IQCK: variants seen among roughly 807,000 people sequenced by gnomAD.
The protein encoded by IQCK is IQ motif containing K, also known as IQ domain-containing protein K.
A neutral mutation model predicts 28.1 loss-of-function variants in IQCK; 29 were observed. That is an observed-to-expected ratio of 1.03 (90% confidence interval 0.77 to 1.41). The LOEUF (loss-of-function observed/expected upper bound fraction) is 1.41, where lower values mean the gene tolerates loss of function less well. Ranked by LOEUF, IQCK falls within the 40% of genes most tolerant of loss-of-function variation. The probability of loss-of-function intolerance (pLI) is 0.00; values close to 1 mark genes in which losing one functional copy is unlikely to be tolerated. For synonymous variants in IQCK, 113 were observed against 115.1 expected (o/e 0.98, Z 0.12); for missense variants, 359 against 314.7 (o/e 1.14, Z -1.07).
intron 7 of IQCK, among the ~76,000 whole-genome samples, chr16:19,822,975 C>T (rs575741787): frequency 6.6e-6 from 1 of 152,022 alleles, no homozygotes; most frequent in Non-Finnish European, 1.5e-5. Flanking sequence ...GAAGAGGTGG[C>T]CCCTCTATCA....
chr16:19,776,952 A>G (rs1281325681), intron 6 of IQCK, among the ~76,000 whole-genome samples: 1 of 152,228 alleles, frequency 6.6e-6, no homozygotes, highest in Non-Finnish European at 1.5e-5. Flanking sequence ...TTAAATTTCT[A>G]TTTTGGCCAA....
At position 19,799,248 on chromosome 16, in the gene IQCK, T is replaced by C. The variant is rs1488421620; in HGVS notation, c.690+10326T>C. 1.9e-5 allele frequency among the ~76,000 whole-genome samples: 2 copies of C among 105,402 alleles called. 1 individual carries two copies. The allele number at this position is 105,402 out of a possible 152,430, so 69.1% of individuals were successfully genotyped here. The stretch of plus-strand genomic sequence containing the variant: ...TACCTCACAAATTTTAATTCTTCTA[T>C]GGTATATATATATATTTTTTTTATT... On this transcript the variant is annotated intron_variant, in intron 7 of 7. Transcript: ENST00000564186.
intron 6 of IQCK, among the ~76,000 whole-genome samples, chr16:19,772,797 G>C (rs2055336751): frequency 6.6e-6 from 1 of 152,138 alleles, no homozygotes; most frequent in Non-Finnish European, 1.5e-5. Context: ...TTGAGCCCAG[G>C]AGTTTGGACC....
Position 19,733,679 on chromosome 16 carries a change from C to A in IQCK, c.247-19C>A. 6.2e-7 allele frequency: 1 copy of A among 1,613,036 alleles called. No individual in the cohort carries two copies. The highest frequency in any genetic ancestry group is 8.5e-7 in the Non-Finnish European group (1 of 1,179,710). On this transcript the variant is annotated intron_variant, in intron 2 of 7. Transcript: ENST00000564186. ...AAGCTGTTTAAATGAATTGCCTCCC[C>A]TCCCCTGTCTGCCTCCAGGTTGCGC...
chr16:19,831,418 A>G (rs185944305), downstream of IQCK, among the ~76,000 whole-genome samples: 350 of 152,286 alleles, frequency 2.3e-3, no homozygotes, highest in African/African-American at 8.0e-3. Flanking sequence ...ACTGTCGCCG[A>G]GTTGAATCAC....
At chr16:19,814,516 C>CA (rs2055957023) in intron 7 of IQCK, among the ~76,000 whole-genome samples, 2 of 151,886 alleles carry the variant, frequency 1.3e-5, no homozygotes, top group Non-Finnish European at 2.9e-5. Flanking sequence ...AAAATTATGA[C>CA]AAAAAACAGA....
chr16:19,852,898 A>T (rs1379070044), intron 9 of IQCK, among the ~76,000 whole-genome samples: 1 of 152,166 alleles, frequency 6.6e-6, no homozygotes, highest in African/African-American at 2.4e-5. Flanking sequence ...CTGGGATTAC[A>T]GGCGTGAGCC....
chr16:19,726,988 G>A (rs1421141961), intron 1 of IQCK, among the ~76,000 whole-genome samples: 4 of 151,780 alleles, frequency 2.6e-5, no homozygotes, highest in South Asian at 2.1e-4. Flanking sequence ...AAAATTAGCC[G>A]GGCATGATGA....
intron 1 of IQCK, among the ~76,000 whole-genome samples, chr16:19,720,213 A>C (rs1977450519): frequency 6.6e-6 from 1 of 152,132 alleles, no homozygotes; most frequent in Admixed American, 6.5e-5. Context: ...CCAACCTTAC[A>C]TTGTGCTAGA....
chr16:19,809,560 G>A (rs965219522), intron 7 of IQCK, among the ~76,000 whole-genome samples: 1 of 152,228 alleles, frequency 6.6e-6, no homozygotes, highest in Non-Finnish European at 1.5e-5. Flanking sequence ...CCTTCTGGAA[G>A]TTGCACAACA....
intron 7 of IQCK, among the ~76,000 whole-genome samples, chr16:19,805,528 A>G (rs1188444542): frequency 6.6e-6 from 1 of 152,182 alleles, no homozygotes. Flanking sequence ...TGGAGCTTGC[A>G]TTCTTTCAGG....
chr16:19,744,885 C>T (rs1414369771), intron 4 of IQCK, among the ~76,000 whole-genome samples: 2 of 152,082 alleles, frequency 1.3e-5, no homozygotes, highest in African/African-American at 4.8e-5. Flanking sequence ...CATCTGTGGC[C>T]AACAATAGAT....
exon 10 of IQCK, chr16:19,857,312 CT>C: frequency 2.7e-6 from 1 of 370,988 alleles, no homozygotes. Flanking sequence ...ATAGTAAAGC[CT>C]TTATTTTTGT....
chr16:19,784,322 C>T (rs2055533883), intron 6 of IQCK, among the ~76,000 whole-genome samples: 1 of 152,132 alleles, frequency 6.6e-6, no homozygotes. Context: ...CCCATCTTCT[C>T]TCTGGGCCAC....
chr16:19,777,528 G>T (rs1018108542), intron 6 of IQCK, among the ~76,000 whole-genome samples: 1 of 152,154 alleles, frequency 6.6e-6, no homozygotes, highest in African/African-American at 2.4e-5. Context: ...AATTTCGGAG[G>T]CCAGAGAGTC....
chr16:19,827,679 T>C (rs879858374), downstream of IQCK, among the ~76,000 whole-genome samples: 1 of 152,176 alleles, frequency 6.6e-6, no homozygotes, highest in Non-Finnish European at 1.5e-5. Flanking sequence ...CCTAATGGGC[T>C]TCATCCAATC....
At chr16:19,736,002 G>A in intron 4 of IQCK, 1 of 418,434 alleles carries the variant, frequency 2.4e-6, no homozygotes, top group Non-Finnish European at 4.7e-6. Flanking sequence ...AAAGTTTGAG[G>A]TTGCAGTGAT....
intron 2 of IQCK, among the ~76,000 whole-genome samples, chr16:19,733,159 T>TG (rs758331028): frequency 2.6e-5 from 4 of 151,718 alleles, no homozygotes; most frequent in Non-Finnish European, 5.9e-5. Flanking sequence ...TTTTTTGAGA[T>TG]GGAGTTTCAC....
downstream of IQCK, among the ~76,000 whole-genome samples, chr16:19,831,625 G>A (rs1292635): frequency 0.16 from 24,753 of 151,134 alleles, 2,545 homozygotes; most frequent in East Asian, 0.32. Flanking sequence ...AAATAGTGGA[G>A]TGATTGCAAA....
Sources: gnomAD v4.1 joint callset for allele counts (sites outside exome capture counted in the v4.1 genomes callset) on GRCh38, gnomAD v4.1.1 for gene constraint, MANE v1.5 for transcripts, NCBI Gene and HGNC (gene_info 2026-07-23, HGNC 2026-07-21) for gene names.